PGBD5: variants seen among roughly 807,000 people sequenced by gnomAD.
PGBD5 encodes piggyBac transposable element derived 5.
Under a neutral mutation model 47.9 loss-of-function variants are expected in PGBD5, and 14 were observed. The observed-to-expected ratio is 0.29, with a 90% CI of 0.19 to 0.46. The LOEUF is 0.46. Ranked by LOEUF, PGBD5 falls within the 20% of genes least tolerant of loss-of-function variation. PGBD5 has a pLI of 1.00. For missense variants in PGBD5, 635 were observed against 716.0 expected, an observed-to-expected ratio of 0.89 and a Z score of 1.29; for synonymous variants, 316 against 306.3, an observed-to-expected ratio of 1.03 and a Z score of -0.33.
intron 1 of PGBD5, among the ~76,000 whole-genome samples, chr1:230,393,219 A>G (rs911208450): frequency 4.2e-5 from 6 of 142,938 alleles, no homozygotes; most frequent in African/African-American, 1.5e-4. Flanking sequence ...AGCCAAGGGA[A>G]AGGAGGAGAG....
intron 1 of PGBD5, among the ~76,000 whole-genome samples, chr1:230,395,937 TCCTC>T (rs1656942359): frequency 1.7e-5 from 1 of 60,594 alleles, no homozygotes; most frequent in African/African-American, 7.4e-5. Context: ...ATCCCTGAGC[TCCTC>T]CCTTTTACTT....
chr1:230,392,593 G>T (rs270854), intron 1 of PGBD5, among the ~76,000 whole-genome samples: 4 of 152,002 alleles, frequency 2.6e-5, no homozygotes, highest in Non-Finnish European at 5.9e-5. Context: ...TGCCTCCTCC[G>T]GACTCTCCTC....
At chr1:230,391,981 T>G (rs1656796024) in intron 1 of PGBD5, among the ~76,000 whole-genome samples, 1 of 152,226 alleles carries the variant, frequency 6.6e-6, no homozygotes. Context: ...TTTGCTCATT[T>G]TAATGATGCG....
At chr1:230,335,876 C>CATACACACACA (rs1558192934) in intron 4 of PGBD5, among the ~76,000 whole-genome samples, 158 of 6,844 alleles carry the variant, frequency 0.023, 39 homozygotes, top group Non-Finnish European at 0.08. Flanking sequence ...GATGCATACA[C>CATACACACACA]GGACACACAG....
At chr1:230,406,311 C>CAAAAAAAAAAAAAAAAAAAAAAAAAA (rs67577027) in intron 1 of PGBD5, among the ~76,000 whole-genome samples, 1 of 54,664 alleles carries the variant, frequency 1.8e-5, no homozygotes, top group Non-Finnish European at 3.5e-5. Flanking sequence ...GACTCCGTCT[C>CAAAAAAAAAAAAAAAAAAAAAAAAAA]AAAAAAAAAA....
intron 1 of PGBD5, among the ~76,000 whole-genome samples, chr1:230,391,720 G>A (rs1284243866): frequency 1.3e-5 from 2 of 152,190 alleles, no homozygotes; most frequent in Admixed American, 6.5e-5. Context: ...GTGCACTTAG[G>A]AGGATATGCT....
At chr1:230,420,263 A>T (rs1657618480) in intron 1 of PGBD5, among the ~76,000 whole-genome samples, 1 of 152,240 alleles carries the variant, frequency 6.6e-6, no homozygotes, top group Admixed American at 6.5e-5. Flanking sequence ...TTATAGATTC[A>T]GTGAAAACAT....
At position 230,323,386 on chromosome 1, in the gene PGBD5, C is replaced by G; in HGVS notation, c.*39G>C. The stretch of plus-strand genomic sequence containing the variant: ...GTTGGAACGGCAGGCTCTCCTCCTC[C>G]TCTTGCCCCTCCCTTGACCGAGTCC... On this transcript the variant is annotated 3_prime_UTR_variant, in exon 7 of 7. Coordinates refer to ENST00000391860, the MANE Select transcript of PGBD5 (RefSeq NM_001258311.2). This position sits in a 1 kb window ranked among gnomAD's most constrained non-coding sequence, Gnocchi z 4.1. The G allele has an allele frequency of 1.3e-6, 2 of 1,589,984 alleles. No individual in the cohort carries two copies. The highest frequency in any genetic ancestry group is 2.3e-5 in the South Asian group (2 of 86,610).
At chr1:230,347,702 G>C (rs1377851555) in intron 3 of PGBD5, among the ~76,000 whole-genome samples, 1 of 151,808 alleles carries the variant, frequency 6.6e-6, no homozygotes, top group South Asian at 2.1e-4. Context: ...GGCTCTCCTG[G>C]AACACACCTG....
intron 1 of PGBD5, among the ~76,000 whole-genome samples, chr1:230,387,672 T>C (rs1013759856): frequency 1.3e-5 from 2 of 152,074 alleles, no homozygotes; most frequent in Non-Finnish European, 2.9e-5. Flanking sequence ...AGGGTGGTGA[T>C]TCGGGTTAAG....
intron 1 of PGBD5, chr1:230,368,246 T>C: frequency 8.1e-7 from 1 of 1,240,696 alleles, no homozygotes; most frequent in East Asian, 4.9e-5. Flanking sequence ...ATTTTTTCCA[T>C]GCCTAAAATA....
intron 3 of PGBD5, among the ~76,000 whole-genome samples, chr1:230,341,061 G>A (rs966663097): frequency 6.6e-6 from 1 of 152,200 alleles, no homozygotes; most frequent in Non-Finnish European, 1.5e-5. Context: ...TCTGGAAGAA[G>A]GATGCAGCCA....
intron 1 of PGBD5, among the ~76,000 whole-genome samples, chr1:230,414,402 TTGCCTTCTTCCTAAA>T (rs1195724492): frequency 3.9e-5 from 6 of 152,212 alleles, no homozygotes; most frequent in Non-Finnish European, 8.8e-5. Flanking sequence ...CCAGTGTCAT[TTGCCTTCTTCCTAAA>T]TTTACCTAAT....
In PGBD5 at chr1:230,421,054, G is replaced by C. The variant is rs74851633; in HGVS notation, c.331+4544C>G. On this transcript the variant is annotated intron_variant, in intron 1 of 6. Coordinates refer to ENST00000391860, the MANE Select transcript of PGBD5 (RefSeq NM_001258311.2). The stretch of plus-strand genomic sequence containing the variant: ...AAGTGAGTTTTGGACTCTAAAACTA[G>C]GTTAGACCTCACCACCTGTTCCAGT... Among the ~76,000 whole-genome samples the C allele has an allele frequency of 8.0e-3, 1,225 of 152,230 alleles. 17 individuals carry two copies. Among genetic ancestry groups the C allele is most frequent in the African/African-American group, 0.028 (1,181 of 41,538 alleles).
chr1:230,368,287 A>C, intron 1 of PGBD5: 2 of 1,168,182 alleles, frequency 1.7e-6, no homozygotes, highest in Non-Finnish European at 2.2e-6. Flanking sequence ...GCTGAGGCCA[A>C]GTGGCCCCTC....
At chr1:230,388,062 C>T (rs533252043) in intron 1 of PGBD5, among the ~76,000 whole-genome samples, 2 of 152,250 alleles carry the variant, frequency 1.3e-5, no homozygotes, top group East Asian at 1.9e-4. Flanking sequence ...CCCAGCAGCC[C>T]CCGCCAACCA....
rs1015564859 is a variant in PGBD5 at position 230,337,345 on chromosome 1, C to T, written c.895-57G>A. On this transcript the variant is annotated intron_variant, in intron 3 of 6. Transcript: ENST00000391860. ...TCACAGCAGTGTCAGGCTGGGAGCC[C>T]GAGTATTCAGCAAGCACAGATCTCA... The T allele has an allele frequency of 7.4e-6, 11 of 1,478,594 alleles. No individual in the cohort carries two copies. In the Admixed American group the frequency reaches 8.2e-5, roughly 11 times the overall value. 91.6% of individuals were successfully genotyped at this position (1,478,594 alleles called of 1,614,324 possible).
rs1189651773 is a variant in PGBD5, at chr1:230,323,489, G to A, written c.1511C>T (p.Ala504Val). 6 of 1,614,150 alleles carry A rather than the reference G, an allele frequency of 3.7e-6. No homozygotes were observed. The highest frequency in any genetic ancestry group is 3.3e-5 in the South Asian group (3 of 91,072). Residue 504 changes from alanine (A) to valine (V), a missense_variant, in exon 7 of 7, where the codon GCG becomes GTG. Transcript: ENST00000391860. This position sits in a 1 kb window ranked among gnomAD's most constrained non-coding sequence, Gnocchi z 4.1. ...DAYHVKRYSR[A>V]QFGERLVREL... Reference sequence around the variant, plus strand: ...TCTGACGAGTCTCTCTCCAAACTGCGCCCGGCTGTACCTCTTCACGTGGTA... The same window carrying A: ...TCTGACGAGTCTCTCTCCAAACTGCACCCGGCTGTACCTCTTCACGTGGTA...
intron 3 of PGBD5, among the ~76,000 whole-genome samples, chr1:230,349,452 T>C (rs1667527350): frequency 6.6e-6 from 1 of 150,410 alleles, no homozygotes; most frequent in Non-Finnish European, 1.5e-5. Context: ...ACCAGATCAC[T>C]TGAGCCTGGG....
Sources: gnomAD v4.1 joint callset for allele counts (sites outside exome capture counted in the v4.1 genomes callset) on GRCh38, gnomAD v4.1.1 for gene constraint, Gnocchi (gnomAD v3.1) non-coding constraint, MANE v1.5 for transcripts, NCBI Gene and HGNC (gene_info 2026-07-23, HGNC 2026-07-21) for gene names.